Variants in ADGRB3 observed in about 807,000 individuals in gnomAD.
ADGRB3 encodes the protein adhesion G protein-coupled receptor B3.
A neutral mutation model predicts 193.4 loss-of-function variants in ADGRB3; 37 were observed. The ratio of observed to expected loss-of-function variants is 0.19; its 90% CI spans 0.15 to 0.25. ADGRB3 has a LOEUF of 0.25. Ranked by LOEUF, ADGRB3 falls within the 10% of genes least tolerant of loss-of-function variation. The pLI is 1.00. For missense variants in ADGRB3, 1,637 were observed against 1,852.9 expected, an observed-to-expected ratio of 0.88 and a Z score of 2.14; for synonymous variants, 690 against 644.2, an observed-to-expected ratio of 1.07 and a Z score of -1.08.
intron 17 of ADGRB3, among the ~76,000 whole-genome samples, chr6:69,100,056 C>T (rs1339931517): frequency 1.3e-5 from 2 of 152,180 alleles, no homozygotes; most frequent in Non-Finnish European, 2.9e-5. Flanking sequence ...GTCATTTACA[C>T]TTAAACAAAT....
intron 3 of ADGRB3, among the ~76,000 whole-genome samples, chr6:68,680,327 C>T: frequency 6.6e-6 from 1 of 151,746 alleles, no homozygotes; most frequent in South Asian, 2.1e-4. Flanking sequence ...AAGAAGAAAG[C>T]AGAAAAGATA....
At chr6:69,347,248 C>T (rs951001647) in intron 26 of ADGRB3, among the ~76,000 whole-genome samples, 1 of 151,990 alleles carries the variant, frequency 6.6e-6, no homozygotes, top group African/African-American at 2.4e-5. Flanking sequence ...AGGAGAAATA[C>T]CTAATGTAGA....
At chr6:68,817,605 A>C (rs1767662568) in intron 3 of ADGRB3, among the ~76,000 whole-genome samples, 1 of 151,744 alleles carries the variant, frequency 6.6e-6, no homozygotes, top group Non-Finnish European at 1.5e-5. Context: ...CCCCAGCAAC[A>C]ACCAAATGCC....
intron 3 of ADGRB3, among the ~76,000 whole-genome samples, chr6:68,741,791 G>GT (rs1765988195): frequency 1.3e-5 from 2 of 152,140 alleles, no homozygotes; most frequent in African/African-American, 4.8e-5. Context: ...ATTGTCATCA[G>GT]TTTTTTACAA....
chr6:69,243,118 A>G (rs1242558560), intron 20 of ADGRB3, among the ~76,000 whole-genome samples: 1 of 151,904 alleles, frequency 6.6e-6, no homozygotes, highest in Non-Finnish European at 1.5e-5. Flanking sequence ...AAATCTGGCA[A>G]AACTCTTGGT....
chr6:68,783,433 G>A (rs1766899505), intron 3 of ADGRB3, among the ~76,000 whole-genome samples: 1 of 151,122 alleles, frequency 6.6e-6, no homozygotes, highest in African/African-American at 2.4e-5. Context: ...TCCTTCCAGG[G>A]AAAGGGGAAA....
chr6:68,801,882 A>G (rs1767318426), intron 3 of ADGRB3, among the ~76,000 whole-genome samples: 1 of 152,104 alleles, frequency 6.6e-6, no homozygotes, highest in Non-Finnish European at 1.5e-5. Flanking sequence ...GCAGAAATGG[A>G]CAAAGCCTAG....
chr6:68,919,470 G>A (rs1168138391), intron 3 of ADGRB3, among the ~76,000 whole-genome samples: 1 of 152,134 alleles, frequency 6.6e-6, no homozygotes, highest in Non-Finnish European at 1.5e-5. Flanking sequence ...ATGAGAGTGA[G>A]AGGGTGACAG....
Position 69,219,461 on chromosome 6 carries a change from G to GTATATATATATATA in ADGRB3, c.2481-13810_2481-13797dup, listed in dbSNP as rs3839475. On this transcript the variant is annotated intron_variant, in intron 17 of 31. Transcript: ENST00000370598. ...CTTTAACTTAAAAATACACACACAC[G>GTATATATATATATA]TATATATATATATATATATATATAT... Among the ~76,000 whole-genome samples the GTATATATATATATA allele has an allele frequency of 4.3e-3, 423 of 98,786 alleles. 11 individuals are homozygous for GTATATATATATATA. Among genetic ancestry groups the GTATATATATATATA allele is most frequent in the African/African-American group, 6.4e-3 (198 of 31,132 alleles). The allele number at this position is 98,786 out of a possible 152,430, so 64.8% of individuals were successfully genotyped here.
At chr6:68,839,080 TCACA>T (rs10591017) in intron 3 of ADGRB3, among the ~76,000 whole-genome samples, 1,724 of 138,114 alleles carry the variant, frequency 0.012, 24 homozygotes, top group African/African-American at 0.046. Context: ...TGTCTCTCTG[TCACA>T]CACACACACA....
At chr6:69,060,402 TA>T (rs2150306933) in intron 15 of ADGRB3, among the ~76,000 whole-genome samples, 1 of 152,118 alleles carries the variant, frequency 6.6e-6, no homozygotes, top group South Asian at 2.1e-4. Flanking sequence ...CTTTGCTCCT[TA>T]CAGACCAGCC....
chr6:68,668,500 T>A (rs936724686), intron 3 of ADGRB3, among the ~76,000 whole-genome samples: 1 of 152,022 alleles, frequency 6.6e-6, no homozygotes, highest in Non-Finnish European at 1.5e-5. Flanking sequence ...GAGGATATAA[T>A]TTCCTATCAG....
At chr6:68,693,889 A>T (rs1216241055) in intron 3 of ADGRB3, among the ~76,000 whole-genome samples, 1 of 152,028 alleles carries the variant, frequency 6.6e-6, no homozygotes. Flanking sequence ...ATTCTATATG[A>T]ACCAGTTAAC....
intron 13 of ADGRB3, among the ~76,000 whole-genome samples, chr6:69,025,962 G>GC (rs1228543510): frequency 6.6e-6 from 1 of 152,150 alleles, no homozygotes; most frequent in African/African-American, 2.4e-5. Context: ...GGGCTTTCTT[G>GC]CACACAACTG....
chr6:68,992,315 A>G (rs767876884), intron 10 of ADGRB3, among the ~76,000 whole-genome samples: 3 of 152,176 alleles, frequency 2.0e-5, no homozygotes, highest in Non-Finnish European at 4.4e-5. Context: ...GCAAATAATT[A>G]CCAGTAGTTT....
rs12211865 is a variant in ADGRB3, at chr6:68,870,311, G to A, written c.758-60248G>A. On this transcript the variant is annotated intron_variant, in intron 3 of 31. Coordinates refer to ENST00000370598, the MANE Select transcript of ADGRB3 (RefSeq NM_001704.3). ...GTCACCAACTGGTGGCTCAGGAGCC[G>A]CATTAAATCACAGTTGTACTTGGAC... 8.9e-3 allele frequency among the ~76,000 whole-genome samples: 1,351 copies of A among 152,226 alleles called. 13 individuals carry two copies. The highest frequency in any genetic ancestry group is 0.015 in the Non-Finnish European group (999 of 68,000).
chr6:68,772,618 G>T (rs1176993713), intron 3 of ADGRB3, among the ~76,000 whole-genome samples: 2 of 151,786 alleles, frequency 1.3e-5, no homozygotes, highest in Admixed American at 1.3e-4. Flanking sequence ...AATGAGAAAA[G>T]TCAAGACATT....
chr6:69,132,215 A>G (rs1774030079), intron 17 of ADGRB3, among the ~76,000 whole-genome samples: 1 of 152,146 alleles, frequency 6.6e-6, no homozygotes, highest in South Asian at 2.1e-4. Flanking sequence ...GTCCTCCATA[A>G]TGGTTGAACT....
chr6:68,844,942 GAGT>G (rs1214724484), intron 3 of ADGRB3, among the ~76,000 whole-genome samples: 2 of 152,128 alleles, frequency 1.3e-5, no homozygotes, highest in African/African-American at 4.8e-5. Flanking sequence ...TGAAACCACA[GAGT>G]AGAATTATGG....
Sources: gnomAD v4.1 joint callset for allele counts (sites outside exome capture counted in the v4.1 genomes callset) on GRCh38, gnomAD v4.1.1 for gene constraint, MANE v1.5 for transcripts, NCBI Gene and HGNC (gene_info 2026-07-23, HGNC 2026-07-21) for gene names.